THSD4: variants seen among roughly 807,000 people sequenced by gnomAD.
THSD4 encodes thrombospondin type 1 domain containing 4, also known as thrombospondin type-1 domain-containing protein 4.
THSD4 carries 69 observed loss-of-function variants against 119.0 expected under a neutral mutation model. That is an observed-to-expected ratio of 0.58 (90% CI 0.48 to 0.71). The LOEUF is 0.71. Ranked by LOEUF, THSD4 falls within the 30% of genes least tolerant of loss-of-function variation. The pLI, the probability that THSD4 is intolerant of heterozygous loss-of-function variation, is 0.00. For missense variants in THSD4, 1,393 were observed against 1,391.1 expected, an observed-to-expected ratio of 1.00 and a Z score of -0.02; for synonymous variants, 524 against 540.4, an observed-to-expected ratio of 0.97 and a Z score of 0.42.
At chr15:71,314,530 C>T (rs542628448) in intron 6 of THSD4, among the ~76,000 whole-genome samples, 4 of 152,178 alleles carry the variant, frequency 2.6e-5, no homozygotes, top group Admixed American at 1.3e-4. Flanking sequence ...TGGTCTTGAA[C>T]TCCTGACCTC....
At chr15:71,318,844 G>C (rs1033786327) in intron 6 of THSD4, among the ~76,000 whole-genome samples, 57 of 152,220 alleles carry the variant, frequency 3.7e-4, no homozygotes, top group Non-Finnish European at 7.2e-4. Flanking sequence ...GGGCTGGGGA[G>C]GCAGAGTACA....
intron 7 of THSD4, among the ~76,000 whole-genome samples, chr15:71,591,940 C>T (rs1278802823): frequency 6.6e-6 from 1 of 152,076 alleles, no homozygotes; most frequent in African/African-American, 2.4e-5. Context: ...GGCACCATGT[C>T]GTGTTTTCAT....
At chr15:71,597,889 C>T (rs769713293) in intron 7 of THSD4, among the ~76,000 whole-genome samples, 13 of 152,134 alleles carry the variant, frequency 8.5e-5, no homozygotes, top group East Asian at 1.9e-4. Context: ...TGAGTTCAGA[C>T]GCTCCCTGGA....
intron 7 of THSD4, among the ~76,000 whole-genome samples, chr15:71,637,818 T>C (rs2050776680): frequency 6.6e-6 from 1 of 151,868 alleles, no homozygotes; most frequent in Non-Finnish European, 1.5e-5. Flanking sequence ...CTCTGCCTCC[T>C]GGGTTCAAGC....
chr15:71,136,378 G>A (rs771089673), intron 1 of THSD4, among the ~76,000 whole-genome samples: 2 of 152,144 alleles, frequency 1.3e-5, no homozygotes, highest in Non-Finnish European at 2.9e-5. Context: ...ATGTCAGCAG[G>A]ACAGGAGAGC....
intron 1 of THSD4, among the ~76,000 whole-genome samples, chr15:71,106,284 T>G (rs1463109980): frequency 6.6e-6 from 1 of 152,168 alleles, no homozygotes; most frequent in Non-Finnish European, 1.5e-5. Flanking sequence ...ACAGCTGCTC[T>G]TCAAGACCAC....
At chr15:71,277,282 C>T (rs1359883886) in intron 6 of THSD4, among the ~76,000 whole-genome samples, 10 of 152,156 alleles carry the variant, frequency 6.6e-5, no homozygotes, top group East Asian at 5.8e-4. Context: ...CCCGCCACCA[C>T]GCCCACCTAA....
At chr15:71,519,145 A>T (rs2140779483) in intron 7 of THSD4, among the ~76,000 whole-genome samples, 1 of 152,164 alleles carries the variant, frequency 6.6e-6, no homozygotes, top group Non-Finnish European at 1.5e-5. Context: ...TCCAGAATCC[A>T]GTGTTGGGGG....
At position 71,478,130 on chromosome 15, in the gene THSD4, G is replaced by A. The variant is rs181995954; in HGVS notation, c.1152+66307G>A. ...TATGGGAGAAATTTCCCCTGGGGTCGGCTGCGTAGGATTAGATATTTTCAT... is the reference window on the plus strand; with the variant it reads ...TATGGGAGAAATTTCCCCTGGGGTCAGCTGCGTAGGATTAGATATTTTCAT... On this transcript the variant is annotated intron_variant, in intron 7 of 17. Transcript: ENST00000261862. Among the ~76,000 whole-genome samples the A allele has an allele frequency of 3.5e-3, 538 of 152,218 alleles. 3 individuals carry two copies. Among genetic ancestry groups the A allele is most frequent in the South Asian group, 0.016 (78 of 4,822 alleles).
At chr15:71,247,490 C>T (rs118182700) in intron 5 of THSD4, among the ~76,000 whole-genome samples, 413 of 152,294 alleles carry the variant, frequency 2.7e-3, no homozygotes, top group Middle Eastern at 0.017. Flanking sequence ...CCACCGCACA[C>T]GCCACATAGG....
At chr15:71,646,486 T>G (rs550512105) in intron 7 of THSD4, among the ~76,000 whole-genome samples, 121 of 152,326 alleles carry the variant, frequency 7.9e-4, no homozygotes, top group Non-Finnish European at 1.4e-3. Flanking sequence ...CTAAATAACA[T>G]TCCAATCAGC....
chr15:71,551,649 GT>G (rs1007672969), intron 7 of THSD4, among the ~76,000 whole-genome samples: 2 of 151,540 alleles, frequency 1.3e-5, no homozygotes, highest in Admixed American at 1.3e-4. Context: ...AGCTCCCGAG[GT>G]TTTTTTTTCC....
At chr15:71,294,688 G>T (rs778057749) in intron 6 of THSD4, among the ~76,000 whole-genome samples, 17 of 152,096 alleles carry the variant, frequency 1.1e-4, no homozygotes, top group African/African-American at 2.2e-4. Flanking sequence ...GGCCCAAGAC[G>T]TATGGCCTGA....
chr15:71,594,913 G>T (rs1231234668), intron 7 of THSD4, among the ~76,000 whole-genome samples: 1 of 152,170 alleles, frequency 6.6e-6, no homozygotes, highest in African/African-American at 2.4e-5. Flanking sequence ...GAGGGATTGG[G>T]GAAGGCTTCT....
At chr15:71,722,098 C>T (rs898658517) in intron 8 of THSD4, among the ~76,000 whole-genome samples, 3 of 152,150 alleles carry the variant, frequency 2.0e-5, no homozygotes, top group East Asian at 1.9e-4. Context: ...GTGAACACAG[C>T]GTCTAGCAAA....
chr15:71,576,597 A>G (rs995943792), intron 7 of THSD4, among the ~76,000 whole-genome samples: 20 of 152,232 alleles, frequency 1.3e-4, no homozygotes, highest in Admixed American at 1.2e-3. Flanking sequence ...TACATAGTAC[A>G]TACTATGAAA....
intron 3 of THSD4, among the ~76,000 whole-genome samples, chr15:71,184,986 T>C (rs182086529): frequency 4.6e-5 from 7 of 151,898 alleles, no homozygotes; most frequent in African/African-American, 1.7e-4. Flanking sequence ...AGGCTGACCT[T>C]GAGCTTCTGC....
At chr15:71,745,020 A>G in intron 11 of THSD4, 86 bp from the exon 12 acceptor site, 1 of 1,511,530 alleles carries the variant, frequency 6.6e-7, no homozygotes, top group Non-Finnish European at 8.9e-7. Context: ...TCTCTTCATC[A>G]GCACCCGAAT....
At position 71,737,822 on chromosome 15, in the gene THSD4, G is replaced by T. The variant is rs200169944; in HGVS notation, c.1721G>T (p.Arg574Leu). 8.1e-6 allele frequency: 13 copies of T among 1,614,260 alleles called. No homozygotes were observed. In the East Asian group the frequency reaches 2.9e-4, roughly 36 times the overall value. ...KGRNEEKEDL[R>L]GEAPEMFTSE... ...AGGAACGAGGAGAAGGAAGACTTGCGTGGGGAGGCCCCTGAGATGTTCACC... is the reference window on the plus strand; with the variant it reads ...AGGAACGAGGAGAAGGAAGACTTGCTTGGGGAGGCCCCTGAGATGTTCACC... Residue 574 changes from arginine to leucine, a missense_variant, in exon 11 of 18, where the codon CGT (arginine) becomes CTT (leucine). By Grantham distance (102) the Arg-to-Leu change is moderately radical (BLOSUM62 -2). Transcript: ENST00000261862.
Sources: gnomAD v4.1 joint callset for allele counts (sites outside exome capture counted in the v4.1 genomes callset) on GRCh38, gnomAD v4.1.1 for gene constraint, MANE v1.5 for transcripts, NCBI Gene and HGNC (gene_info 2026-07-23, HGNC 2026-07-21) for gene names.